Variants in C11orf65 observed in about 807,000 individuals in gnomAD.
The protein encoded by C11orf65 is protein MFI.
C11orf65 carries 38 observed loss-of-function variants against 35.3 expected under a neutral mutation model. The ratio of observed to expected loss-of-function variants is 1.08; its 90% CI spans 0.83 to 1.41. The LOEUF (loss-of-function observed/expected upper bound fraction) is 1.41. Among genes scored for constraint, C11orf65 ranks in the 40% most tolerant of loss-of-function variants. The pLI, the probability that C11orf65 is intolerant of heterozygous loss-of-function variation, is 0.00. For missense variants in C11orf65, 370 were observed against 367.1 expected (o/e 1.01, Z -0.06); for synonymous variants, 105 against 114.4 (o/e 0.92, Z 0.53).
chr11:108,315,048 T>G (rs2084501289), intron 6 of C11orf65, among the ~76,000 whole-genome samples: 2 of 152,212 alleles, frequency 1.3e-5, no homozygotes, highest in South Asian at 4.1e-4. Flanking sequence ...GCCACTGTGG[T>G]GTTAATCAAG....
intron 2 of C11orf65, 54 bp from the exon 3 acceptor site, chr11:108,431,892 T>G: frequency 1.7e-6 from 2 of 1,164,808 alleles, no homozygotes; most frequent in South Asian, 3.8e-5. Context: ...CTATTTCTAC[T>G]TCGCTTTTTG....
intron 8 of C11orf65, 28 bp downstream of exon 8, chr11:108,385,892 C>T (rs758295831): frequency 6.3e-6 from 10 of 1,595,890 alleles, no homozygotes; most frequent in Middle Eastern, 3.3e-4. Context: ...TGAGAATTTC[C>T]TATAAAGTAC....
downstream of C11orf65, chr11:108,329,130 G>T (rs567457294): frequency 1.2e-6 from 2 of 1,614,050 alleles, no homozygotes; most frequent in Admixed American, 3.3e-5. Flanking sequence ...CAATACCAAA[G>T]AATTGAAAAC....
At chr11:108,423,361 T>C (rs2092848912) in intron 3 of C11orf65, among the ~76,000 whole-genome samples, 3 of 152,068 alleles carry the variant, frequency 2.0e-5, no homozygotes, top group Admixed American at 1.3e-4. Context: ...AGCACAACAG[T>C]CTGAAATCGA....
In C11orf65 at chr11:108,363,724, C is replaced by A. The variant is rs1467645500; in HGVS notation, c.227-28432G>T. Among the ~76,000 whole-genome samples, 2 of 152,214 alleles carry A rather than the reference C, an allele frequency of 1.3e-5. 1 individual carries two copies. ...TCTGTATTCCTTTACTGTTTCCAAC[C>A]ACTTCTGTCTTGTCAGACTGAAACA... On this transcript the variant is annotated intron_variant, in intron 2 of 3. Coordinates refer to the C11orf65 transcript ENST00000524755.
intron 2 of C11orf65, chr11:108,365,188 C>T (rs2137884884): frequency 6.2e-7 from 1 of 1,614,202 alleles, no homozygotes. Flanking sequence ...ACTCTGAATG[C>T]AGATGACCAA....
In C11orf65 at chr11:108,445,380, G is replaced by A. The variant is rs12222358; in HGVS notation, c.82-13542C>T. ...CAGTAAGGGCAGACTGACAACTCAC[G>A]CAGCAGGGTACTCCTCTGAGACAAA... On this transcript the variant is annotated intron_variant, in intron 2 of 8. Transcript: ENST00000393084. 1.1e-4 allele frequency among the ~76,000 whole-genome samples: 17 copies of A among 152,188 alleles called. No homozygotes were observed. In the East Asian group the frequency reaches 2.1e-3, roughly 19 times the overall value.
chr11:108,413,280 T>C (rs1416584364), intron 3 of C11orf65, among the ~76,000 whole-genome samples: 1 of 152,166 alleles, frequency 6.6e-6, no homozygotes, highest in East Asian at 1.9e-4. Context: ...TTTTAGAGTA[T>C]CCATCACCCA....
intron 2 of C11orf65, among the ~76,000 whole-genome samples, chr11:108,364,487 G>T (rs1466393737): frequency 6.6e-6 from 1 of 152,128 alleles, no homozygotes; most frequent in African/African-American, 2.4e-5. Flanking sequence ...TATATCTCAA[G>T]ATTCCAAACG....
intron 1 of C11orf65, among the ~76,000 whole-genome samples, chr11:108,465,357 A>T (rs1441337981): frequency 6.6e-6 from 1 of 152,272 alleles, no homozygotes; most frequent in Non-Finnish European, 1.5e-5. Context: ...GAATACACAA[A>T]ATATAGAGGA....
intron 2 of C11orf65, chr11:108,353,714 GAA>G: frequency 1.4e-6 from 2 of 1,417,574 alleles, no homozygotes; most frequent in Non-Finnish European, 2.0e-6. Context: ...TAACTGGAAA[GAA>G]AGTAAATTAG....
chr11:108,455,077 T>G (rs752155474), intron 2 of C11orf65, among the ~76,000 whole-genome samples: 6 of 152,262 alleles, frequency 3.9e-5, no homozygotes, highest in Non-Finnish European at 7.3e-5. Context: ...GTCTCCATTT[T>G]GTTTGTCTCA....
exon 3 of C11orf65, chr11:108,335,259 T>C (rs1424103089): frequency 1.3e-6 from 2 of 1,531,334 alleles, no homozygotes; most frequent in East Asian, 2.5e-5. Flanking sequence ...CATTATTTTC[T>C]AGAACCAGGC....
At chr11:108,319,018 A>C (rs2084991956) in intron 6 of C11orf65, among the ~76,000 whole-genome samples, 1 of 151,990 alleles carries the variant, frequency 6.6e-6, no homozygotes, top group Admixed American at 6.5e-5. Flanking sequence ...TCTACAAAAA[A>C]ATACAAAAGT....
At chr11:108,309,468 A>G (rs1007589927) in intron 6 of C11orf65, among the ~76,000 whole-genome samples, 17 of 152,324 alleles carry the variant, frequency 1.1e-4, no homozygotes, top group African/African-American at 4.1e-4. Flanking sequence ...GAAACTAGGA[A>G]ACTGAGGTTT....
downstream of C11orf65, among the ~76,000 whole-genome samples, chr11:108,330,856 T>C (rs45438896): frequency 1.1e-3 from 163 of 152,330 alleles, 2 homozygotes; most frequent in Middle Eastern, 0.014. Flanking sequence ...AGAGAAAATA[T>C]ATTTTTCAGA....
Position 108,383,046 on chromosome 11 carries a change from G to A in C11orf65, c.917C>T (p.Thr306Met), listed in dbSNP as rs552038895. 3.0e-5 allele frequency: 48 copies of A among 1,609,708 alleles called. No individual in the cohort carries two copies. The highest frequency in any genetic ancestry group is 1.7e-4 in the Middle Eastern group (1 of 6,044). Residue 306 changes from threonine (T) to methionine (M), a missense_variant, in exon 9 of 9, where the codon ACG (threonine) becomes ATG (methionine). Coordinates refer to ENST00000393084, the MANE Select transcript of C11orf65 (RefSeq NM_152587.5). Reference sequence around the variant, plus strand: ...TTATAGTCCATAAGTAGAATCAGGCGTTAATCTAGTTACATTTGGTTCTTG... The same window carrying A: ...TTATAGTCCATAAGTAGAATCAGGCATTAATCTAGTTACATTTGGTTCTTG... ...VYQEPNVTRL[T>M]PDSTYGL
intron 5 of C11orf65, 88 bp from the exon 6 acceptor site, chr11:108,405,647 G>GT: frequency 7.7e-7 from 1 of 1,306,900 alleles, no homozygotes; most frequent in South Asian, 1.2e-5. Flanking sequence ...TATGTGTTCA[G>GT]TAGGAATATG....
intron 6 of C11orf65, among the ~76,000 whole-genome samples, chr11:108,312,240 A>AT (rs1402867674): frequency 6.6e-6 from 1 of 152,210 alleles, no homozygotes; most frequent in Admixed American, 6.5e-5. Flanking sequence ...TCATTCACAA[A>AT]TTCCTTTTCC....
Sources: gnomAD v4.1 joint callset for allele counts (sites outside exome capture counted in the v4.1 genomes callset) on GRCh38, gnomAD v4.1.1 for gene constraint, MANE v1.5 for transcripts, NCBI Gene and HGNC (gene_info 2026-07-23, HGNC 2026-07-21) for gene names.